SLC22A3: variants seen among roughly 807,000 people sequenced by gnomAD.
SLC22A3 encodes EMT organic cation transporter 3.
SLC22A3 carries 51 observed loss-of-function variants against 59.1 expected under a neutral mutation model. The ratio of observed to expected loss-of-function variants is 0.86; its 90% CI spans 0.69 to 1.09. The LOEUF (loss-of-function observed/expected upper bound fraction) is 1.09. Ranked by LOEUF, SLC22A3 falls within the 50% of genes least tolerant of loss-of-function variation. The pLI is 0.00. For missense variants in SLC22A3, 711 were observed against 726.3 expected, an observed-to-expected ratio of 0.98 and a Z score of 0.24; for synonymous variants, 325 against 292.0, an observed-to-expected ratio of 1.11 and a Z score of -1.15.
In SLC22A3 at chr6:160,416,753, C is replaced by T. The variant is rs184716411; in HGVS notation, c.975+5907C>T. Among the ~76,000 whole-genome samples, 371 of 152,342 alleles carry T rather than the reference C, an allele frequency of 2.4e-3. 6 individuals carry two copies. Among genetic ancestry groups the T allele is most frequent in the Admixed American group, 0.024 (371 of 15,304 alleles). On this transcript the variant is annotated intron_variant, in intron 5 of 10. Coordinates refer to ENST00000275300, the MANE Select transcript of SLC22A3 (RefSeq NM_021977.4). ...CTGTTTCTTGCCTTACACCTGGTCACTAACCACTCAATTCAACTTTTCACT... is the reference window on the plus strand; with the variant it reads ...CTGTTTCTTGCCTTACACCTGGTCATTAACCACTCAATTCAACTTTTCACT...
chr6:160,443,527 A>G, intron 8 of SLC22A3, 103 bp from the exon 9 acceptor site: 1 of 786,368 alleles, frequency 1.3e-6, no homozygotes, highest in South Asian at 1.5e-5. Flanking sequence ...AATGCAAAGT[A>G]TCTTCACACT....
intron 2 of SLC22A3, among the ~76,000 whole-genome samples, chr6:160,405,894 A>G (rs979072079): frequency 1.3e-5 from 2 of 152,198 alleles, no homozygotes; most frequent in Non-Finnish European, 2.9e-5. Flanking sequence ...CAGTAAAAAA[A>G]AGGATCAGTG....
intron 1 of SLC22A3, among the ~76,000 whole-genome samples, chr6:160,395,336 G>A (rs1429146676): frequency 6.6e-6 from 1 of 152,174 alleles, no homozygotes; most frequent in East Asian, 1.9e-4. Context: ...CTCTTGATAG[G>A]CCTTGCTATG....
chr6:160,354,963 G>A lies in SLC22A3; in HGVS notation c.429+6115G>A, dbSNP rs528629426. Among the ~76,000 whole-genome samples, 11 of 152,194 alleles carry A rather than the reference G, an allele frequency of 7.2e-5. No homozygotes were observed. In the South Asian group the frequency reaches 1.7e-3, roughly 23 times the overall value. ...ATGTGGAACTGCTAAGCCTGGAGCC[G>A]GAGCAACCTTCCTCCTGCAGTCCCC... On this transcript the variant is annotated intron_variant, in intron 1 of 10. Coordinates refer to ENST00000275300, the MANE Select transcript of SLC22A3 (RefSeq NM_021977.4).
chr6:160,362,667 G>A (rs1052701310), intron 1 of SLC22A3, among the ~76,000 whole-genome samples: 20 of 152,248 alleles, frequency 1.3e-4, no homozygotes, highest in Admixed American at 1.2e-3. Flanking sequence ...GTCCCCAGCG[G>A]GTGGGGGCGG....
intron 5 of SLC22A3, among the ~76,000 whole-genome samples, chr6:160,426,901 C>T (rs142776863): frequency 1.5e-3 from 230 of 152,270 alleles, no homozygotes; most frequent in African/African-American, 4.6e-3. Context: ...CTGTGTCTAC[C>T]GCACTAGTGG....
chr6:160,392,541 C>T (rs1311251714), intron 1 of SLC22A3, among the ~76,000 whole-genome samples: 1 of 152,204 alleles, frequency 6.6e-6, no homozygotes, highest in African/African-American at 2.4e-5. Flanking sequence ...GGCATAATGC[C>T]AAGCAAACAA....
chr6:160,407,203 A>G lies in SLC22A3; in HGVS notation c.688+8A>G. The G allele has an allele frequency of 6.3e-7, 1 of 1,594,710 alleles. No homozygotes were observed. Among genetic ancestry groups the G allele is most frequent in the South Asian group, 1.2e-5 (1 of 86,906 alleles). ...TGACTTGCTACGTGATTGGTAAGAC[A>G]TTCTTACACCATCTTCTCTATTTGG... On this transcript the variant is annotated splice_region_variant and intron_variant, in intron 3 of 10. Coordinates refer to ENST00000275300, the MANE Select transcript of SLC22A3 (RefSeq NM_021977.4).
At chr6:160,387,862 T>C (rs777370686) in intron 1 of SLC22A3, among the ~76,000 whole-genome samples, 3 of 152,224 alleles carry the variant, frequency 2.0e-5, no homozygotes, top group Admixed American at 6.5e-5. Flanking sequence ...ATAATGTCTA[T>C]TACCTGGATT....
intron 1 of SLC22A3, among the ~76,000 whole-genome samples, chr6:160,363,149 G>A (rs1785080891): frequency 6.6e-6 from 1 of 152,260 alleles, no homozygotes; most frequent in African/African-American, 2.4e-5. Flanking sequence ...TGGAAGGTCC[G>A]AGAAGAGGCT....
rs371530863 is a variant in SLC22A3 at position 160,448,375 on chromosome 6, TGATA to T, written c.1610+566_1610+569del. ...AGATGATAGATAATAGGTAGATGGA[TGATA>T]GATAGATATAATAGATGATAATCAT... On this transcript the variant is annotated intron_variant, in intron 10 of 10. Coordinates refer to ENST00000275300, the MANE Select transcript of SLC22A3 (RefSeq NM_021977.4). 3.6e-3 allele frequency among the ~76,000 whole-genome samples: 546 copies of T among 152,190 alleles called. 3 individuals carry two copies. Among genetic ancestry groups the T allele is most frequent in the Middle Eastern group, 0.014 (4 of 294 alleles).
intron 5 of SLC22A3, 36 bp downstream of exon 5, chr6:160,410,882 A>C (rs1787220251): frequency 7.8e-7 from 1 of 1,285,016 alleles, no homozygotes; most frequent in Non-Finnish European, 1.1e-6. Context: ...AATATTGCTA[A>C]AGCTGGTGAA....
intron 5 of SLC22A3, among the ~76,000 whole-genome samples, chr6:160,414,410 A>G (rs1212267865): frequency 1.3e-5 from 2 of 152,220 alleles, no homozygotes; most frequent in African/African-American, 4.8e-5. Context: ...TTTCCAAATA[A>G]TAAATTGGCT....
At chr6:160,420,021 A>G (rs572523284) in intron 5 of SLC22A3, among the ~76,000 whole-genome samples, 14 of 152,222 alleles carry the variant, frequency 9.2e-5, no homozygotes, top group Non-Finnish European at 1.5e-4. Context: ...TGAAATAGCC[A>G]TAAAGACTGT....
Position 160,407,154 on chromosome 6 carries a change from G to T in SLC22A3, c.647G>T (p.Gly216Val). The T allele has an allele frequency of 6.2e-7, 1 of 1,612,272 alleles. No homozygotes were observed. The highest frequency in any genetic ancestry group is 1.7e-4 in the Middle Eastern group (1 of 6,044). Residue 216 changes from glycine (G) to valine (V), a missense_variant, in exon 3 of 11, where the codon GGT becomes GTT. Physicochemically the swap from Gly to Val is moderately radical, Grantham distance 109. Transcript: ENST00000275300. ...TTTGTGATCTTCCGCTTCCTGCAAG[G>T]TGTATTTGGAAAGGGGACGTGGATG... ...PVFVIFRFLQ[G>V]VFGKGTWMTC...
chr6:160,407,402 CA>C (rs1411315671), intron 3 of SLC22A3, among the ~76,000 whole-genome samples: 1 of 152,074 alleles, frequency 6.6e-6, no homozygotes, highest in Non-Finnish European at 1.5e-5. Flanking sequence ...CTTTGGGAGC[CA>C]AATATAGAAT....
chr6:160,406,112 T>C (rs1159382238), intron 2 of SLC22A3, among the ~76,000 whole-genome samples: 1 of 152,174 alleles, frequency 6.6e-6, no homozygotes, highest in Non-Finnish European at 1.5e-5. Flanking sequence ...GGTTCGTCAA[T>C]TGCAGCAAGT....
intron 1 of SLC22A3, among the ~76,000 whole-genome samples, chr6:160,358,935 T>C (rs540647502): frequency 6.6e-6 from 1 of 152,258 alleles, no homozygotes; most frequent in East Asian, 1.9e-4. Context: ...GGCTGAAGAC[T>C]CAGCTGTGGG....
At chr6:160,367,199 T>C (rs1224328652) in intron 1 of SLC22A3, among the ~76,000 whole-genome samples, 2 of 152,140 alleles carry the variant, frequency 1.3e-5, no homozygotes, top group Admixed American at 1.3e-4. Flanking sequence ...CTTACAATCA[T>C]GGTAGAAGGG....
Sources: gnomAD v4.1 joint callset for allele counts (sites outside exome capture counted in the v4.1 genomes callset) on GRCh38, gnomAD v4.1.1 for gene constraint, MANE v1.5 for transcripts, NCBI Gene and HGNC (gene_info 2026-07-23, HGNC 2026-07-21) for gene names.